The following PCSK5 variants were observed in gnomAD, a reference collection of about 807,000 sequenced individuals.
The protein encoded by PCSK5 is prohormone convertase 5.
In PCSK5, 129 loss-of-function variants were observed where a neutral mutation model predicts 233.2. The ratio of observed to expected loss-of-function variants is 0.55; its 90% CI spans 0.48 to 0.64. PCSK5 has a LOEUF of 0.64. Ranked by LOEUF, PCSK5 falls within the 30% of genes least tolerant of loss-of-function variation. PCSK5 has a pLI of 0.00. For synonymous variants in PCSK5, 825 were observed against 879.2 expected, an observed-to-expected ratio of 0.94 and a Z score of 1.09; for missense variants, 2,076 against 2,430.1, an observed-to-expected ratio of 0.85 and a Z score of 3.06.
intron 3 of PCSK5, among the ~76,000 whole-genome samples, chr9:76,020,120 C>G (rs4745488): frequency 0.71 from 108,086 of 152,170 alleles, 39,313 homozygotes; most frequent in African/African-American, 0.84. Flanking sequence ...TTTAGTTCCA[C>G]CTCTGGCAGA....
At chr9:76,046,094 A>G (rs796438531) in intron 5 of PCSK5, among the ~76,000 whole-genome samples, 8 of 150,506 alleles carry the variant, frequency 5.3e-5, no homozygotes, top group African/African-American at 1.7e-4. Context: ...ATGACTCTGG[A>G]CAGATGAATC....
rs780353180 is a variant in PCSK5 at position 76,310,743 on chromosome 9, C to T, written c.3776C>T (p.Thr1259Met). The T allele has an allele frequency of 1.1e-5, 18 of 1,612,222 alleles. No homozygotes were observed. The highest frequency in any genetic ancestry group is 5.3e-5 in the African/African-American group (4 of 74,920). Residue 1259 changes from threonine to methionine, a missense_variant, in exon 30 of 38, where the codon ACG becomes ATG. Coordinates refer to ENST00000674117, the MANE Select transcript of PCSK5 (RefSeq NM_001372043.1). ...AGGAGTGGGAGCTGCGAGAACTGTACGGAGGCCTGTGCCATCTGCTCTGGA... is the reference window on the plus strand; with the variant it reads ...AGGAGTGGGAGCTGCGAGAACTGTATGGAGGCCTGTGCCATCTGCTCTGGA... ...SVRSGSCENC[T>M]EACAICSGAD...
intron 24 of PCSK5, among the ~76,000 whole-genome samples, chr9:76,273,631 A>G (rs1827601337): frequency 6.9e-6 from 1 of 145,310 alleles, no homozygotes; most frequent in African/African-American, 2.5e-5. Flanking sequence ...ATGGGGATTT[A>G]TTGATATTAT....
intron 24 of PCSK5, among the ~76,000 whole-genome samples, chr9:76,264,254 T>C (rs1827267871): frequency 6.6e-6 from 1 of 152,200 alleles, no homozygotes; most frequent in Admixed American, 6.5e-5. Flanking sequence ...TGGCTAGCCA[T>C]ATGCAGAAGA....
intron 20 of PCSK5, among the ~76,000 whole-genome samples, chr9:76,218,761 A>G (rs112813517): frequency 6.7e-6 from 1 of 149,550 alleles, no homozygotes; most frequent in Non-Finnish European, 1.5e-5. Context: ...AAGGGACCCA[A>G]AAATGTAACC....
chr9:75,974,976 A>G (rs1442071939), intron 2 of PCSK5, among the ~76,000 whole-genome samples: 1 of 152,216 alleles, frequency 6.6e-6, no homozygotes, highest in African/African-American at 2.4e-5. Flanking sequence ...GAGCTTGCCA[A>G]CATAACAATT....
At chr9:75,970,752 G>T (rs906440298) in intron 2 of PCSK5, among the ~76,000 whole-genome samples, 1 of 151,996 alleles carries the variant, frequency 6.6e-6, no homozygotes, top group Non-Finnish European at 1.5e-5. Flanking sequence ...CTCCCGAGTA[G>T]CTGGGACTAC....
chr9:75,976,315 CA>C (rs1826018098), intron 2 of PCSK5, among the ~76,000 whole-genome samples: 3 of 143,202 alleles, frequency 2.1e-5, no homozygotes, highest in Non-Finnish European at 4.6e-5. Context: ...CACACACACA[CA>C]CACACACCTT....
At chr9:76,323,977 G>A (rs934380795) in intron 32 of PCSK5, among the ~76,000 whole-genome samples, 2 of 147,230 alleles carry the variant, frequency 1.4e-5, no homozygotes, top group East Asian at 2.0e-4. Context: ...GTTGGCTAGA[G>A]TGCGGTGGCA....
chr9:76,137,341 A>G (rs1461677688), intron 10 of PCSK5, among the ~76,000 whole-genome samples: 1 of 152,114 alleles, frequency 6.6e-6, no homozygotes, highest in Non-Finnish European at 1.5e-5. Flanking sequence ...CACTCTGTAA[A>G]TGACCCTGTA....
intron 2 of PCSK5, among the ~76,000 whole-genome samples, chr9:75,945,891 T>C (rs1354013673): frequency 6.6e-6 from 1 of 152,220 alleles, no homozygotes; most frequent in Non-Finnish European, 1.5e-5. Context: ...CTTGCTAAGG[T>C]AGATCTTTAA....
chr9:76,105,358 G>A (rs139515871), intron 8 of PCSK5, among the ~76,000 whole-genome samples: 307 of 152,296 alleles, frequency 2.0e-3, no homozygotes, highest in African/African-American at 6.9e-3. Flanking sequence ...AAAGAAGAAC[G>A]GTGGTTGCCA....
intron 37 of PCSK5, 140 bp downstream of exon 37, chr9:76,354,359 T>C: frequency 3.2e-6 from 2 of 633,796 alleles, no homozygotes; most frequent in East Asian, 5.6e-5. Context: ...GGGCCTACTG[T>C]ACTTGAAACT....
chr9:76,196,749 C>A (rs896875034), intron 20 of PCSK5, among the ~76,000 whole-genome samples: 1 of 152,168 alleles, frequency 6.6e-6, no homozygotes, highest in Non-Finnish European at 1.5e-5. Context: ...TGGATATGTT[C>A]TCTCTCAATT....
At chr9:76,274,105 C>T (rs10781356) in intron 24 of PCSK5, among the ~76,000 whole-genome samples, 57,833 of 151,698 alleles carry the variant, frequency 0.38, 12,904 homozygotes, top group East Asian at 0.7. Flanking sequence ...GTTTCTTAAC[C>T]ACCCTTTCCT....
intron 37 of PCSK5, among the ~76,000 whole-genome samples, chr9:76,355,339 G>A (rs984574256): frequency 2.0e-5 from 3 of 152,140 alleles, no homozygotes; most frequent in African/African-American, 4.8e-5. Flanking sequence ...CAGGCGTGGT[G>A]GCGGGCGCCT....
intron 24 of PCSK5, among the ~76,000 whole-genome samples, chr9:76,273,411 C>T (rs1325551944): frequency 6.6e-6 from 1 of 151,902 alleles, no homozygotes; most frequent in Non-Finnish European, 1.5e-5. Flanking sequence ...TAGCCTCCTT[C>T]TTTCATCCAC....
At chr9:76,173,118 C>T (rs573296600) in intron 13 of PCSK5, among the ~76,000 whole-genome samples, 3 of 152,256 alleles carry the variant, frequency 2.0e-5, no homozygotes, top group Admixed American at 1.3e-4. Flanking sequence ...GCTCTGTTTC[C>T]TCCTCTATAT....
chr9:76,131,310 C>T (rs1310131191), intron 9 of PCSK5, among the ~76,000 whole-genome samples: 1 of 152,078 alleles, frequency 6.6e-6, no homozygotes, highest in Non-Finnish European at 1.5e-5. Context: ...ATGGCTATTT[C>T]CTGAGCTAAT....
Sources: gnomAD v4.1 joint callset for allele counts (sites outside exome capture counted in the v4.1 genomes callset) on GRCh38, gnomAD v4.1.1 for gene constraint, MANE v1.5 for transcripts, NCBI Gene and HGNC (gene_info 2026-07-23, HGNC 2026-07-21) for gene names.